The following TRRAP variants were observed in gnomAD, a reference collection of about 807,000 sequenced individuals.
TRRAP encodes the protein transformation/transcription domain associated protein.
In TRRAP, 41 loss-of-function variants were observed where a neutral mutation model predicts 438.8. That is an observed-to-expected ratio of 0.09 (90% confidence interval 0.07 to 0.12). The LOEUF (loss-of-function observed/expected upper bound fraction) is 0.12, where lower values mean the gene tolerates loss of function less well. TRRAP is among the 10% of genes least tolerant of loss of function. The pLI is 1.00. For synonymous variants in TRRAP, 1,994 were observed against 1,962.9 expected (o/e 1.02, Z -0.42); for missense variants, 3,122 against 5,055.1 (o/e 0.62, Z 11.60).
chr7:98,923,128 A>G lies in TRRAP; in HGVS notation c.2823+1175A>G, dbSNP rs141460765. Among the ~76,000 whole-genome samples, 25 of 152,216 alleles carry G rather than the reference A, an allele frequency of 1.6e-4. No individual in the cohort carries two copies. The East Asian group carries it at 2.3e-3, about 14-fold the overall frequency. On this transcript the variant is annotated intron_variant, in intron 21 of 72. Coordinates refer to ENST00000456197, the MANE Select transcript of TRRAP (RefSeq NM_001375524.1). The stretch of plus-strand genomic sequence containing the variant: ...CAGCTTCTAACCCAAACCTTCATCC[A>G]CATACTTTCCAAATGAATGCTACTC...
intron 67 of TRRAP, among the ~76,000 whole-genome samples, chr7:99,003,781 C>T (rs1282063345): frequency 6.6e-6 from 1 of 152,140 alleles, no homozygotes; most frequent in Non-Finnish European, 1.5e-5. Flanking sequence ...ACGTGTAATT[C>T]GGCTGGGCAT....
chr7:98,990,339 T>A, intron 63 of TRRAP, 116 bp from the exon 64 acceptor site: 1 of 1,095,118 alleles, frequency 9.1e-7, no homozygotes, highest in Non-Finnish European at 1.3e-6. Flanking sequence ...TATAGATACT[T>A]TTTTTACATG....
At chr7:98,906,460 TCTCA>T (rs1796739358) in intron 13 of TRRAP, among the ~76,000 whole-genome samples, 1 of 151,178 alleles carries the variant, frequency 6.6e-6, no homozygotes, top group Non-Finnish European at 1.5e-5. Flanking sequence ...TGAGGCCGAG[TCTCA>T]CTCTGTCACC....
At chr7:98,950,320 A>G in intron 38 of TRRAP, 58 bp downstream of exon 38, 2 of 1,579,384 alleles carry the variant, frequency 1.3e-6, no homozygotes, top group Non-Finnish European at 8.6e-7. Flanking sequence ...TTTTCTAGGG[A>G]ACTTTGGGCC....
chr7:98,915,514 C>G (rs973407851), intron 18 of TRRAP, among the ~76,000 whole-genome samples: 12 of 152,144 alleles, frequency 7.9e-5, no homozygotes, highest in African/African-American at 2.9e-4. Context: ...TTTTGCATTT[C>G]ATTTGTTACA....
At chr7:98,904,784 G>A (rs1490115056) in intron 12 of TRRAP, among the ~76,000 whole-genome samples, 1 of 152,164 alleles carries the variant, frequency 6.6e-6, no homozygotes, top group East Asian at 1.9e-4. Context: ...TAGTTCCTGA[G>A]ACTTAAATAG....
rs948048152 is a variant in TRRAP at position 99,011,589 on chromosome 7, C to T, written c.11337+54C>T. On this transcript the variant is annotated intron_variant, in intron 72 of 72. Transcript: ENST00000456197. The surrounding 1 kb of genome is among the most constrained non-coding windows in gnomAD (Gnocchi z 7.1). Reference sequence around the variant, plus strand: ...CGCAGGCTAGAGCCACTCAGATGCCCGCGCGTCACGGCCTTGCAGGAGCTG... The same window carrying T: ...CGCAGGCTAGAGCCACTCAGATGCCTGCGCGTCACGGCCTTGCAGGAGCTG... 1.7e-5 allele frequency: 26 copies of T among 1,567,310 alleles called. No homozygotes were observed. The highest frequency in any genetic ancestry group is 1.4e-4 in the African/African-American group (10 of 73,722).
intron 11 of TRRAP, among the ~76,000 whole-genome samples, chr7:98,902,650 C>T (rs1349926118): frequency 5.3e-5 from 8 of 151,982 alleles, no homozygotes; most frequent in East Asian, 3.9e-4. Flanking sequence ...AGTCAGCTTG[C>T]GTTATCTTGG....
intron 10 of TRRAP, 64 bp from the exon 11 acceptor site, chr7:98,900,560 C>A: frequency 1.4e-6 from 2 of 1,391,150 alleles, no homozygotes; most frequent in Non-Finnish European, 2.0e-6. Context: ...TGGTTACAGG[C>A]TTTTAATTAA....
At chr7:99,003,216 C>T (rs2283015) in intron 67 of TRRAP, among the ~76,000 whole-genome samples, 1 of 152,052 alleles carries the variant, frequency 6.6e-6, no homozygotes, top group African/African-American at 2.4e-5. Context: ...GGGAGGAAGT[C>T]GAGGCGTTCT....
Position 98,948,497 on chromosome 7 carries a change from G to A in TRRAP, c.4669-69G>A. 1 of 1,613,474 alleles carries A rather than the reference G, an allele frequency of 6.2e-7. No individual in the cohort carries two copies. Among genetic ancestry groups the A allele is most frequent in the Non-Finnish European group, 8.5e-7 (1 of 1,179,954 alleles). On this transcript the variant is annotated intron_variant, in intron 34 of 72. Transcript: ENST00000456197. The surrounding 1 kb of genome is among the most constrained non-coding windows in gnomAD (Gnocchi z 4.9). ...ATGCACTCCAGTAACAAGGGACCTT[G>A]TTAGGTAGACAGCCTCAAGCTCTGA...
intron 58 of TRRAP, 107 bp downstream of exon 58, chr7:98,979,011 G>C: frequency 1.1e-5 from 16 of 1,437,138 alleles, no homozygotes; most frequent in Non-Finnish European, 1.5e-5. Flanking sequence ...GCAGTGGAAA[G>C]ACAGCTTTTG....
chr7:98,878,829 G>A (rs562031644), intron 1 of TRRAP, among the ~76,000 whole-genome samples, 192 bp downstream of exon 1: 1 of 152,224 alleles, frequency 6.6e-6, no homozygotes, highest in East Asian at 1.9e-4. Context: ...CGAGCTGAGA[G>A]GAAGCTGTGG....
At chr7:98,897,918 C>T in intron 8 of TRRAP, 52 bp downstream of exon 8, 1 of 1,605,962 alleles carries the variant, frequency 6.2e-7, no homozygotes, top group Non-Finnish European at 8.5e-7. Flanking sequence ...GTTTCGGATA[C>T]TGGCCTGTTA....
chr7:98,984,923 C>A lies in TRRAP; in HGVS notation c.9289-21C>A, dbSNP rs1054297883. The A allele has an allele frequency of 2.6e-6, 4 of 1,539,596 alleles. No individual in the cohort carries two copies. The African/African-American group carries it at 5.6e-5, about 21-fold the overall frequency. On this transcript the variant is annotated intron_variant, in intron 61 of 72. Coordinates refer to ENST00000456197, the MANE Select transcript of TRRAP (RefSeq NM_001375524.1). ...TTTAGAAATTTCAAGAACTTTTTTT[C>A]TGCTCATTTTTTTTGAACAGGGCCT...
Position 98,881,871 on chromosome 7 carries a change from A to T in TRRAP, c.101-104A>T, listed in dbSNP as rs1174290135. On this transcript the variant is annotated intron_variant, in intron 2 of 72. Coordinates refer to ENST00000456197, the MANE Select transcript of TRRAP (RefSeq NM_001375524.1). ...CTATTAGGCCATGACAGTCAAACTG[A>T]TAAGATCTGATTGCTTCTCTTAAAT... is the stretch of plus-strand genomic sequence containing the variant. 5 of 1,297,032 alleles carry T rather than the reference A, an allele frequency of 3.9e-6. No homozygotes were observed. In the African/African-American group the frequency reaches 7.4e-5, roughly 19 times the overall value. 80.3% of individuals were successfully genotyped at this position (1,297,032 alleles called of 1,614,324 possible). A position where few individuals can be genotyped will look rare whatever the true frequency, so the allele number is the denominator to read the frequency against.
chr7:98,975,615 C>G (rs562976900), intron 53 of TRRAP, among the ~76,000 whole-genome samples: 4 of 152,368 alleles, frequency 2.6e-5, no homozygotes, highest in South Asian at 4.1e-4. Flanking sequence ...CAGTCCGTTC[C>G]ATTCTCTTCT....
chr7:98,912,902 G>A (rs1789342055), intron 18 of TRRAP, among the ~76,000 whole-genome samples: 1 of 152,158 alleles, frequency 6.6e-6, no homozygotes, highest in Admixed American at 6.6e-5. Context: ...TCCCAGAGCT[G>A]GGGTCTTGTG....
intron 51 of TRRAP, among the ~76,000 whole-genome samples, chr7:98,967,997 A>G (rs569778321): frequency 2.0e-5 from 3 of 151,152 alleles, no homozygotes; most frequent in African/African-American, 7.3e-5. Flanking sequence ...AGAAAATAAA[A>G]CTGTGGACTT....
Sources: allele counts gnomAD v4.1 joint callset (sites outside exome capture counted in the v4.1 genomes callset), GRCh38; gene constraint gnomAD v4.1.1; non-coding constraint Gnocchi (gnomAD v3.1); transcripts MANE v1.5; gene names NCBI Gene and HGNC (gene_info 2026-07-23, HGNC 2026-07-21).